Variants in LRFN5 observed in about 807,000 individuals in gnomAD.
LRFN5 encodes the protein leucine-rich repeat and fibronectin type-III domain-containing protein 5.
A neutral mutation model predicts 45.6 loss-of-function variants in LRFN5; 24 were observed. The ratio of observed to expected loss-of-function variants is 0.53; its 90% CI spans 0.38 to 0.74. The LOEUF (loss-of-function observed/expected upper bound fraction) is 0.74, where lower values mean the gene tolerates loss of function less well. Ranked by LOEUF, LRFN5 falls within the 30% of genes least tolerant of loss-of-function variation. The probability of loss-of-function intolerance (pLI) is 0.00; values close to 1 mark genes in which losing one functional copy is unlikely to be tolerated. For synonymous variants in LRFN5, 340 were observed against 313.8 expected (o/e 1.08, Z -0.88); for missense variants, 776 against 861.5 (o/e 0.90, Z 1.24).
At chr14:41,644,183 A>C (rs978809727) in intron 1 of LRFN5, among the ~76,000 whole-genome samples, 1 of 152,206 alleles carries the variant, frequency 6.6e-6, no homozygotes, top group Non-Finnish European at 1.5e-5. Context: ...TTGAGATTCT[A>C]AAAGTTTTAT....
intron 1 of LRFN5, among the ~76,000 whole-genome samples, chr14:41,674,463 C>T (rs1214581660): frequency 5.2e-4 from 71 of 136,430 alleles, no homozygotes; most frequent in Non-Finnish European, 8.6e-4. Flanking sequence ...CGGGCAGAGG[C>T]GCCCCTCACC....
At chr14:41,690,605 G>A (rs1016046401) in intron 1 of LRFN5, among the ~76,000 whole-genome samples, 1 of 152,122 alleles carries the variant, frequency 6.6e-6, no homozygotes, top group African/African-American at 2.4e-5. Flanking sequence ...TAAGGATAAA[G>A]ACCTTCACCA....
intron 1 of LRFN5, among the ~76,000 whole-genome samples, chr14:41,718,734 A>C (rs542279125): frequency 6.6e-6 from 1 of 152,240 alleles, no homozygotes; most frequent in South Asian, 2.1e-4. Flanking sequence ...ATCTACGCTA[A>C]ATCTAAGCTA....
intron 1 of LRFN5, among the ~76,000 whole-genome samples, chr14:41,743,269 G>A (rs7147806): frequency 1.1e-4 from 16 of 152,046 alleles, no homozygotes; most frequent in South Asian, 2.1e-4. Context: ...AATCTACATC[G>A]CCCTACCTTC....
intron 1 of LRFN5, among the ~76,000 whole-genome samples, chr14:41,696,841 G>A (rs1882635296): frequency 6.6e-6 from 1 of 151,882 alleles, no homozygotes; most frequent in Non-Finnish European, 1.5e-5. Flanking sequence ...CATGTTTCAT[G>A]AACCTGTAGG....
In LRFN5 at chr14:41,887,507, T is replaced by G; in HGVS notation, c.882T>G (p.His294Gln). 1 of 1,614,048 alleles carries G rather than the reference T, an allele frequency of 6.2e-7. No individual in the cohort carries two copies. The highest frequency in any genetic ancestry group is 8.5e-7 in the Non-Finnish European group (1 of 1,179,964). ...CTCCTCTCATTACTCGTCATACACA[T>G]GAGATGAGAGTCCTGGAGGGACAAA... ...CEPPLITRHT[H>Q]EMRVLEGQRA... is the part of the protein sequence containing the mutation. The change falls in exon 3 of 6, where the codon CAT becomes CAG. Residue 294 changes from histidine (H) to glutamine (Q), a missense_variant. Around this residue, in one of 2 missense-constraint regions of LRFN5, gnomAD observed 311 missense variants for 405.1 expected, o/e 0.77. Transcript: ENST00000298119. The surrounding 1 kb of genome is among the most constrained non-coding windows in gnomAD (Gnocchi z 4.8).
intron 2 of LRFN5, among the ~76,000 whole-genome samples, chr14:41,873,237 G>A (rs1258520185): frequency 6.6e-6 from 1 of 152,154 alleles, no homozygotes; most frequent in Non-Finnish European, 1.5e-5. Context: ...TGCAGGATTT[G>A]AAGGAAACAC....
intron 2 of LRFN5, among the ~76,000 whole-genome samples, chr14:41,828,557 C>A (rs1330264699): frequency 6.6e-6 from 1 of 151,826 alleles, no homozygotes; most frequent in Non-Finnish European, 1.5e-5. Flanking sequence ...CCTTTTTTCC[C>A]ACTTTTCTCC....
intron 1 of LRFN5, among the ~76,000 whole-genome samples, chr14:41,734,396 G>A (rs1347216049): frequency 2.5e-5 from 2 of 79,734 alleles, no homozygotes; most frequent in Admixed American, 1.4e-4. Flanking sequence ...GTTTTATAAT[G>A]ACATAATGAC....
At chr14:41,897,831 C>T (rs1463674840) in intron 4 of LRFN5, among the ~76,000 whole-genome samples, 2 of 151,976 alleles carry the variant, frequency 1.3e-5, no homozygotes, top group Non-Finnish European at 2.9e-5. Context: ...TAAGCCATGA[C>T]GGCCCTTTCA....
intron 2 of LRFN5, among the ~76,000 whole-genome samples, chr14:41,801,776 A>T (rs1423273371): frequency 6.6e-6 from 1 of 152,170 alleles, no homozygotes; most frequent in African/African-American, 2.4e-5. Context: ...CTCTTCTGAG[A>T]ATGAAAGAAT....
chr14:41,649,436 G>GTATT (rs1879981491), intron 1 of LRFN5, among the ~76,000 whole-genome samples: 1 of 152,092 alleles, frequency 6.6e-6, no homozygotes, highest in African/African-American at 2.4e-5. Context: ...ATATTTAGCT[G>GTATT]TTAAGATACT....
chr14:41,889,304 A>G (rs1890700227), intron 3 of LRFN5, among the ~76,000 whole-genome samples: 1 of 152,006 alleles, frequency 6.6e-6, no homozygotes, highest in African/African-American at 2.4e-5. Context: ...AGCTCAGAGC[A>G]GTATTCTATA....
intron 2 of LRFN5, among the ~76,000 whole-genome samples, chr14:41,769,946 A>C (rs1886020498): frequency 6.6e-6 from 1 of 152,190 alleles, no homozygotes; most frequent in Non-Finnish European, 1.5e-5. Flanking sequence ...GTAATTTAGA[A>C]AGAAAAGAGA....
chr14:41,672,424 A>G (rs1207256519), intron 1 of LRFN5, among the ~76,000 whole-genome samples: 1 of 152,168 alleles, frequency 6.6e-6, no homozygotes, highest in Non-Finnish European at 1.5e-5. Flanking sequence ...TACTTCAACT[A>G]GATATCTAAT....
chr14:41,786,244 G>A (rs150432842), intron 2 of LRFN5, among the ~76,000 whole-genome samples: 2,079 of 152,054 alleles, frequency 0.014, 20 homozygotes, highest in Non-Finnish European at 0.018. Flanking sequence ...GTATGACTTC[G>A]TTCTATCTAG....
chr14:41,829,435 A>AT (rs1888404073), intron 2 of LRFN5, among the ~76,000 whole-genome samples: 1 of 151,970 alleles, frequency 6.6e-6, no homozygotes, highest in African/African-American at 2.4e-5. Flanking sequence ...TTTAAATAGA[A>AT]TTTATGATGA....
chr14:41,781,618 G>GAA, intron 2 of LRFN5, among the ~76,000 whole-genome samples: 1 of 62,692 alleles, frequency 1.6e-5, no homozygotes. Context: ...GAAAGAAAGA[G>GAA]AAAGAAAGAA....
intron 2 of LRFN5, among the ~76,000 whole-genome samples, chr14:41,854,357 C>T (rs547068650): frequency 6.6e-6 from 1 of 151,846 alleles, no homozygotes; most frequent in Non-Finnish European, 1.5e-5. Context: ...AATCCAGGGG[C>T]CTGTCGTGGG....
Sources: gnomAD v4.1 joint callset for allele counts (sites outside exome capture counted in the v4.1 genomes callset) on GRCh38, gnomAD v4.1.1 for gene constraint, gnomAD v4.1.1 regional missense constraint, Gnocchi (gnomAD v3.1) non-coding constraint, MANE v1.5 for transcripts, NCBI Gene and HGNC (gene_info 2026-07-23, HGNC 2026-07-21) for gene names.